Variants in SLC35F4 observed in about 807,000 individuals in gnomAD.
SLC35F4 encodes solute carrier family 35 member F4.
A neutral mutation model predicts 44.2 loss-of-function variants in SLC35F4; 24 were observed. The observed-to-expected ratio is 0.54, with a 90% CI of 0.39 to 0.76. SLC35F4 has a LOEUF of 0.76. SLC35F4 is among the 30% of genes least tolerant of loss of function. SLC35F4 has a pLI of 0.00. For synonymous variants in SLC35F4, 238 were observed against 223.6 expected (o/e 1.06, Z -0.57); for missense variants, 562 against 586.1 (o/e 0.96, Z 0.42).
chr14:57,664,236 T>C (rs2140245622), intron 1 of SLC35F4, among the ~76,000 whole-genome samples: 1 of 152,228 alleles, frequency 6.6e-6, no homozygotes, highest in African/African-American at 2.4e-5. Flanking sequence ...TACTTGTCAC[T>C]TCAAAATTGC....
chr14:57,866,290 T>C (rs1888153387), upstream of SLC35F4, among the ~76,000 whole-genome samples: 1 of 151,960 alleles, frequency 6.6e-6, no homozygotes, highest in African/African-American at 2.4e-5. Context: ...GAGAAGGGTG[T>C]TGGGAGTGGG....
chr14:57,869,689 G>C (rs1003439646), upstream of SLC35F4, among the ~76,000 whole-genome samples: 3 of 152,166 alleles, frequency 2.0e-5, no homozygotes, highest in Non-Finnish European at 4.4e-5. Context: ...ACAAACACCA[G>C]CACTGTTTAC....
intron 1 of SLC35F4, among the ~76,000 whole-genome samples, chr14:57,795,663 C>T (rs2140829186): frequency 6.6e-6 from 1 of 152,096 alleles, no homozygotes; most frequent in Non-Finnish European, 1.5e-5. Flanking sequence ...GAAAAAATAA[C>T]ACATGGAAAT....
At chr14:57,601,720 A>G (rs369169947) in intron 1 of SLC35F4, among the ~76,000 whole-genome samples, 69 of 152,314 alleles carry the variant, frequency 4.5e-4, no homozygotes, top group African/African-American at 1.6e-3. Flanking sequence ...ACTTGTAATC[A>G]ACTTTGAAAT....
At chr14:57,567,947 C>G (rs1050291186) in intron 6 of SLC35F4, among the ~76,000 whole-genome samples, 4 of 152,192 alleles carry the variant, frequency 2.6e-5, no homozygotes, top group African/African-American at 9.7e-5. Flanking sequence ...TGGGGTAGTT[C>G]AGGGTGCAGA....
At chr14:57,873,179 G>A (rs977732416) in intron 1 of SLC35F4, among the ~76,000 whole-genome samples, 3 of 151,890 alleles carry the variant, frequency 2.0e-5, no homozygotes, top group Admixed American at 6.6e-5. Flanking sequence ...ACAGAACTTC[G>A]TATGTCCCCC....
intron 1 of SLC35F4, among the ~76,000 whole-genome samples, chr14:57,888,501 T>C (rs981568763): frequency 1.3e-5 from 2 of 152,178 alleles, no homozygotes. Context: ...ACACATTTGT[T>C]TTATGAATCA....
chr14:57,710,960 CT>C (rs1416777511), intron 1 of SLC35F4, among the ~76,000 whole-genome samples: 1 of 151,974 alleles, frequency 6.6e-6, no homozygotes, highest in Non-Finnish European at 1.5e-5. Context: ...CTTCGGGGGA[CT>C]GTTGGGAAGG....
intron 1 of SLC35F4, among the ~76,000 whole-genome samples, chr14:57,676,255 A>C (rs2074688890): frequency 6.6e-6 from 1 of 152,158 alleles, no homozygotes; most frequent in Admixed American, 6.6e-5. Flanking sequence ...CAGCCATAAA[A>C]AGGAACTAGA....
intron 1 of SLC35F4, among the ~76,000 whole-genome samples, chr14:57,741,662 A>T (rs8019423): frequency 0.43 from 65,577 of 152,066 alleles, 14,163 homozygotes; most frequent in East Asian, 0.56. Flanking sequence ...GAAAACACTC[A>T]GCAGGATATT....
intron 1 of SLC35F4, among the ~76,000 whole-genome samples, chr14:57,892,350 G>A (rs1458043063): frequency 1.3e-5 from 2 of 152,188 alleles, no homozygotes; most frequent in African/African-American, 4.8e-5. Context: ...AGAAGAAAGA[G>A]CCTCCTAAAT....
chr14:57,715,169 A>G lies in SLC35F4; in HGVS notation c.104-121045T>C, dbSNP rs570166096. 1.1e-3 allele frequency among the ~76,000 whole-genome samples: 168 copies of G among 150,996 alleles called. 3 individuals are homozygous for G. In the South Asian group the frequency reaches 0.027, roughly 25 times the overall value. ...ACCCAGTCTGCAGGGTTATAGGGGG[A>G]AAAAAAAGGCAAATGGCAGCGCAGT... On this transcript the variant is annotated intron_variant, in intron 1 of 7. Coordinates refer to ENST00000556826, the MANE Select transcript of SLC35F4 (RefSeq NM_001306087.2).
chr14:57,615,460 C>T (rs921619300), intron 1 of SLC35F4, among the ~76,000 whole-genome samples: 14 of 151,572 alleles, frequency 9.2e-5, no homozygotes, highest in African/African-American at 3.4e-4. Context: ...ATCAATTAAA[C>T]TTATGTACTG....
chr14:57,903,180 G>A (rs1338577623), intron 1 of SLC35F4, among the ~76,000 whole-genome samples: 1 of 152,110 alleles, frequency 6.6e-6, no homozygotes, highest in African/African-American at 2.4e-5. Context: ...TGGTTTTGTA[G>A]TAGGGAAGAG....
intron 1 of SLC35F4, among the ~76,000 whole-genome samples, chr14:57,746,213 C>A (rs1184276941): frequency 1.3e-5 from 2 of 151,942 alleles, no homozygotes; most frequent in East Asian, 3.9e-4. Context: ...TGCACAGGTA[C>A]CCCAGAGCTT....
At chr14:57,835,586 G>T (rs1884835501) in intron 1 of SLC35F4, among the ~76,000 whole-genome samples, 2 of 152,130 alleles carry the variant, frequency 1.3e-5, no homozygotes, top group African/African-American at 4.8e-5. Context: ...GGAGCAAAAG[G>T]ACTCTATAAC....
chr14:57,852,505 C>G (rs1160301164), intron 1 of SLC35F4, among the ~76,000 whole-genome samples: 3 of 152,202 alleles, frequency 2.0e-5, no homozygotes, highest in Non-Finnish European at 4.4e-5. Context: ...GTGAATGCTT[C>G]TGAAAGGTGA....
intron 1 of SLC35F4, among the ~76,000 whole-genome samples, chr14:57,648,582 C>A (rs1441340235): frequency 6.6e-6 from 1 of 152,160 alleles, no homozygotes; most frequent in Non-Finnish European, 1.5e-5. Context: ...TGAGAGGCTT[C>A]TCTGCAAAAC....
At chr14:57,572,657 T>A (rs1195658836) in intron 4 of SLC35F4, among the ~76,000 whole-genome samples, 1 of 152,212 alleles carries the variant, frequency 6.6e-6, no homozygotes, top group Non-Finnish European at 1.5e-5. Flanking sequence ...TTAATTCAGT[T>A]TTTCAGAAAA....
Sources: allele counts gnomAD v4.1 joint callset (sites outside exome capture counted in the v4.1 genomes callset), GRCh38; gene constraint gnomAD v4.1.1; transcripts MANE v1.5; gene names NCBI Gene and HGNC (gene_info 2026-07-23, HGNC 2026-07-21).